Variants in NT5DC3 observed in about 807,000 individuals in gnomAD.
NT5DC3 encodes 5'-nucleotidase domain containing 3.
NT5DC3 carries 42 observed loss-of-function variants against 67.8 expected under a neutral mutation model. The observed-to-expected ratio is 0.62, with a 90% CI of 0.48 to 0.80. The LOEUF (loss-of-function observed/expected upper bound fraction) is 0.80. Ranked by LOEUF, NT5DC3 falls within the 30% of genes least tolerant of loss-of-function variation. NT5DC3 has a pLI of 0.00. For synonymous variants in NT5DC3, 237 were observed against 255.6 expected (o/e 0.93, Z 0.69); for missense variants, 570 against 696.4 (o/e 0.82, Z 2.04).
chr12:103,817,837 C>T (rs1317351400), intron 1 of NT5DC3, among the ~76,000 whole-genome samples: 1 of 152,112 alleles, frequency 6.6e-6, no homozygotes, highest in African/African-American at 2.4e-5. Flanking sequence ...TCTGAGCTTC[C>T]CCTTTCCTTT....
the NT5DC3 span, among the ~76,000 whole-genome samples, chr12:103,756,437 C>T: frequency 5.9e-5 from 9 of 152,050 alleles, 1 homozygote; most frequent in East Asian, 1.9e-4. Context: ...CCATTGTCTC[C>T]CCAAACCCTC....
chr12:103,816,814 A>G (rs1043668908), intron 1 of NT5DC3, among the ~76,000 whole-genome samples: 2 of 152,172 alleles, frequency 1.3e-5, no homozygotes, highest in African/African-American at 4.8e-5. Flanking sequence ...AAAGCAGGAG[A>G]ATAAGAAATT....
At position 103,777,037 on chromosome 12, in the gene NT5DC3, G is replaced by A. The variant is rs1885364451; in HGVS notation, c.*792C>T. On this transcript the variant is annotated 3_prime_UTR_variant, in exon 14 of 14. Transcript: ENST00000392876. The stretch of plus-strand genomic sequence containing the variant: ...TTCCAGGTTTAACAAGCTCCTGGGA[G>A]ACCTACCACAAATGTTTTGGTTCTT... The A allele has an allele frequency of 1.3e-5, 2 of 152,192 alleles. No individual in the cohort carries two copies. Among genetic ancestry groups the A allele is most frequent in the Non-Finnish European group, 2.9e-5 (2 of 68,050 alleles). The allele number at this position is 152,192 out of a possible 1,614,324, so 9.4% of individuals were successfully genotyped here. A position where few individuals can be genotyped will look rare whatever the true frequency, so the allele number is the denominator to read the frequency against.
At chr12:103,798,825 T>C in intron 4 of NT5DC3, 148 bp from the exon 5 acceptor site, 1 of 620,634 alleles carries the variant, frequency 1.6e-6, no homozygotes, top group South Asian at 1.9e-5. Flanking sequence ...ATGCCACAAA[T>C]ATCAGGTAAG....
chr12:103,833,876 C>T (rs1888036646), intron 1 of NT5DC3, among the ~76,000 whole-genome samples: 1 of 152,170 alleles, frequency 6.6e-6, no homozygotes, highest in South Asian at 2.1e-4. Context: ...AAGACACACG[C>T]AACATTAAAG....
At chr12:103,762,805 A>T in the NT5DC3 span, among the ~76,000 whole-genome samples, 3 of 152,068 alleles carry the variant, frequency 2.0e-5, no homozygotes, top group African/African-American at 7.2e-5. Flanking sequence ...AGGGCTAGGG[A>T]CCCTACACAG....
the NT5DC3 span, among the ~76,000 whole-genome samples, chr12:103,748,096 A>G: frequency 1.3e-5 from 2 of 152,112 alleles, no homozygotes; most frequent in African/African-American, 4.8e-5. Flanking sequence ...AATATTTTTC[A>G]TGGATAAATA....
chr12:103,838,412 C>A (rs974814278), intron 1 of NT5DC3, among the ~76,000 whole-genome samples: 1 of 152,206 alleles, frequency 6.6e-6, no homozygotes, highest in Non-Finnish European at 1.5e-5. Context: ...CTGCTACCTG[C>A]AGCCCCATTT....
chr12:103,766,426 A>C, downstream of NT5DC3: 1 of 1,440,898 alleles, frequency 6.9e-7, no homozygotes, highest in Non-Finnish European at 9.5e-7. Flanking sequence ...TAGGAACGTA[A>C]AGTCCTTTAA....
the NT5DC3 span, chr12:103,759,165 C>G: frequency 3.7e-6 from 6 of 1,614,058 alleles, no homozygotes; most frequent in African/African-American, 1.3e-5. Flanking sequence ...AGCACCACCT[C>G]GCCAATGTCA....
intron 2 of NT5DC3, among the ~76,000 whole-genome samples, chr12:103,812,030 T>C (rs758988811): frequency 7.2e-5 from 11 of 151,906 alleles, no homozygotes; most frequent in Non-Finnish European, 1.2e-4. Context: ...AAGAGCTCTC[T>C]ACCCCTCCCT....
At chr12:103,793,112 T>C in intron 9 of NT5DC3, 52 bp downstream of exon 9, 2 of 1,243,288 alleles carry the variant, frequency 1.6e-6, no homozygotes, top group African/African-American at 1.5e-5. Flanking sequence ...CATCTATATA[T>C]TCACAGCAGC....
At chr12:103,788,032 C>A (rs943752922) in intron 10 of NT5DC3, among the ~76,000 whole-genome samples, 1 of 152,126 alleles carries the variant, frequency 6.6e-6, no homozygotes, top group African/African-American at 2.4e-5. Flanking sequence ...TTGTTATATA[C>A]CCACCAAGAA....
At chr12:103,811,354 G>C (rs1016288033) in intron 2 of NT5DC3, among the ~76,000 whole-genome samples, 2 of 152,142 alleles carry the variant, frequency 1.3e-5, no homozygotes, top group East Asian at 1.9e-4. Context: ...GGCAGAAGTA[G>C]GAAAGGGTTT....
Position 103,793,921 on chromosome 12 carries a change from A to G in NT5DC3, c.814+16T>C, listed in dbSNP as rs1368826890. The G allele has an allele frequency of 9.4e-6, 15 of 1,596,294 alleles. No homozygotes were observed. The highest frequency in any genetic ancestry group is 1.3e-5 in the Non-Finnish European group (15 of 1,164,672). On this transcript the variant is annotated intron_variant, in intron 7 of 13. Coordinates refer to ENST00000392876, the MANE Select transcript of NT5DC3 (RefSeq NM_001031701.3). The stretch of plus-strand genomic sequence containing the variant: ...GAAAGGCTGAAACTCTCTTCGTGAT[A>G]CTGCTGAGCACATACCAATGTCTGC...
chr12:103,762,501 C>T, the NT5DC3 span: 2 of 1,573,496 alleles, frequency 1.3e-6, no homozygotes, highest in Non-Finnish European at 1.7e-6. Context: ...AGAGTCCTCA[C>T]CCAGAAGCAG....
At chr12:103,788,328 C>T (rs1412312491) in intron 10 of NT5DC3, among the ~76,000 whole-genome samples, 1 of 152,168 alleles carries the variant, frequency 6.6e-6, no homozygotes, top group African/African-American at 2.4e-5. Context: ...TGCCTATGAT[C>T]CCAGCCACCT....
At chr12:103,763,626 T>C in the NT5DC3 span, 3 of 1,605,376 alleles carry the variant, frequency 1.9e-6, no homozygotes, top group African/African-American at 4.0e-5. Flanking sequence ...TGCATTCTTA[T>C]CTAGGAATAG....
At chr12:103,759,129 T>C in the NT5DC3 span, 8 of 1,614,198 alleles carry the variant, frequency 5.0e-6, no homozygotes, top group Non-Finnish European at 6.8e-6. Context: ...TCCTTTTTTC[T>C]CAGACCTTGT....
Sources: gnomAD v4.1 joint callset for allele counts (sites outside exome capture counted in the v4.1 genomes callset) on GRCh38, gnomAD v4.1.1 for gene constraint, MANE v1.5 for transcripts, NCBI Gene and HGNC (gene_info 2026-07-23, HGNC 2026-07-21) for gene names.